The following SLC16A9 variants were observed in gnomAD, a reference collection of about 807,000 sequenced individuals.
The protein encoded by SLC16A9 is solute carrier family 16 member 9.
Under a neutral mutation model 44.3 loss-of-function variants are expected in SLC16A9, and 26 were observed. The ratio of observed to expected loss-of-function variants is 0.59; its 90% confidence interval spans 0.43 to 0.81. The LOEUF is 0.81. Among genes scored for constraint, SLC16A9 ranks in the 40% least tolerant of loss-of-function variants. The pLI is 0.00. For missense variants in SLC16A9, 559 were observed against 595.8 expected (o/e 0.94, Z 0.64); for synonymous variants, 230 against 225.1 (o/e 1.02, Z -0.19).
chr10:59,681,669 T>TG (rs372812141), intron 2 of SLC16A9, among the ~76,000 whole-genome samples: 117 of 2,192 alleles, frequency 0.053, 42 homozygotes, highest in East Asian at 0.5. Flanking sequence ...ATATGATGTA[T>TG]ATGTATATGT....
intron 3 of SLC16A9, among the ~76,000 whole-genome samples, chr10:59,671,644 T>C (rs903573629): frequency 5.9e-5 from 9 of 152,192 alleles, no homozygotes; most frequent in Admixed American, 5.9e-4. Context: ...TATCATTCCC[T>C]ACAACGCCAT....
intron 1 of SLC16A9, among the ~76,000 whole-genome samples, chr10:59,687,868 G>C (rs1840166890): frequency 6.6e-6 from 1 of 151,820 alleles, no homozygotes; most frequent in South Asian, 2.1e-4. Context: ...GCTGAGGTGG[G>C]AGGATGGCTT....
chr10:59,656,879 G>A (rs1422448689), intron 4 of SLC16A9, among the ~76,000 whole-genome samples: 2 of 152,142 alleles, frequency 1.3e-5, no homozygotes, highest in African/African-American at 2.4e-5. Context: ...CACTAATTAT[G>A]CTTCCATGCA....
chr10:59,703,731 T>C (rs1840577477), intron 1 of SLC16A9, among the ~76,000 whole-genome samples: 1 of 152,078 alleles, frequency 6.6e-6, no homozygotes, highest in African/African-American at 2.4e-5. Flanking sequence ...TTTTCGTTTT[T>C]TTTTTGAGAC....
Position 59,672,828 on chromosome 10 carries a change from C to T in SLC16A9, c.282G>A (p.Met94Ile), listed in dbSNP as rs778609342. Residue 94 changes from methionine to isoleucine, a missense_variant, in exon 3 of 6, where the codon ATG becomes ATA. Met to Ile is a conservative substitution (Grantham distance 10). Transcript: ENST00000395348. ...FSGFMVAGGL[M>I]LSSFAPNIYF... ...AGATATTGGGAGCAAAACTGCTCAACATCAGGCCTCCAGCCACCATGAAGC... is the reference window on the plus strand; with the variant it reads ...AGATATTGGGAGCAAAACTGCTCAATATCAGGCCTCCAGCCACCATGAAGC... The T allele has an allele frequency of 1.6e-5, 26 of 1,613,762 alleles. No homozygotes were observed. The Admixed American group carries it at 4.0e-4, about 25-fold the overall frequency.
Position 59,656,297 on chromosome 10 carries a change from G to T in SLC16A9, c.437-1708C>A, listed in dbSNP as rs553299809. ...TAGTACCCATTAACTATAAATTTGT[G>T]ATTTTTGCCTATTTCTTTGTACAGA... On this transcript the variant is annotated intron_variant, in intron 4 of 5. Coordinates refer to ENST00000395348, the MANE Select transcript of SLC16A9 (RefSeq NM_194298.3). 6.6e-5 allele frequency among the ~76,000 whole-genome samples: 10 copies of T among 152,298 alleles called. No individual in the cohort carries two copies. In the South Asian group the frequency reaches 2.1e-3, roughly 32 times the overall value.
intron 3 of SLC16A9, among the ~76,000 whole-genome samples, chr10:59,667,361 G>A (rs1387626116): frequency 2.0e-5 from 3 of 152,104 alleles, no homozygotes; most frequent in Non-Finnish European, 4.4e-5. Flanking sequence ...TATTGAGTAC[G>A]GAAGTAGATA....
chr10:59,680,330 C>G (rs1839959742), intron 2 of SLC16A9, among the ~76,000 whole-genome samples: 1 of 152,210 alleles, frequency 6.6e-6, no homozygotes, highest in South Asian at 2.1e-4. Context: ...TTATGAGCTA[C>G]TGTCCAAATC....
At chr10:59,694,015 A>G (rs1375328465) in intron 1 of SLC16A9, among the ~76,000 whole-genome samples, 30 of 142,012 alleles carry the variant, frequency 2.1e-4, no homozygotes, top group East Asian at 1.3e-3. Context: ...TCGGCTCACC[A>G]CAAGCTCCGC....
At chr10:59,698,930 G>C (rs2132539124) in intron 1 of SLC16A9, among the ~76,000 whole-genome samples, 1 of 152,178 alleles carries the variant, frequency 6.6e-6, no homozygotes, top group South Asian at 2.1e-4. Flanking sequence ...TTTTAGTAGA[G>C]ATGGGGTTTC....
intron 4 of SLC16A9, among the ~76,000 whole-genome samples, chr10:59,663,564 C>T (rs1387067925): frequency 6.8e-6 from 1 of 146,680 alleles, no homozygotes; most frequent in African/African-American, 2.5e-5. Flanking sequence ...ACAATGAGAA[C>T]ATATAGGCAC....
intron 1 of SLC16A9, among the ~76,000 whole-genome samples, chr10:59,705,178 A>C (rs1415283239): frequency 6.6e-6 from 1 of 152,174 alleles, no homozygotes; most frequent in Non-Finnish European, 1.5e-5. Flanking sequence ...TGAGTAGTTT[A>C]AAAGTGTATT....
chr10:59,654,584 T>C lies in SLC16A9; in HGVS notation c.442A>G (p.Ser148Gly), dbSNP rs1839307009. 1 of 1,569,444 alleles carries C rather than the reference T, an allele frequency of 6.4e-7. No homozygotes were observed. The highest frequency in any genetic ancestry group is 8.6e-7 in the Non-Finnish European group (1 of 1,164,572). ...GCAGCATATATGAAAAGGCCAACGC[T>C]TGAACCTAAAAAGGGAATGGGAACT... Reference protein sequence around the residue: ...LALGLISTGSSVGLFIYAALQ... With the variant: ...LALGLISTGSGVGLFIYAALQ... Residue 148 changes from serine (S) to glycine (G), a missense_variant, in exon 5 of 6, where the codon AGC becomes GGC. By Grantham distance (56) the Ser-to-Gly change is moderately conservative. Coordinates refer to ENST00000395348, the MANE Select transcript of SLC16A9 (RefSeq NM_194298.3).
chr10:59,677,689 C>G (rs1343702556), intron 2 of SLC16A9, among the ~76,000 whole-genome samples: 1 of 152,116 alleles, frequency 6.6e-6, no homozygotes, highest in African/African-American at 2.4e-5. Context: ...AAGCCTTGAA[C>G]TAGGCTGCGA....
intron 1 of SLC16A9, among the ~76,000 whole-genome samples, chr10:59,699,940 A>C (rs1840486855): frequency 6.6e-6 from 1 of 151,674 alleles, no homozygotes; most frequent in African/African-American, 2.4e-5. Flanking sequence ...ACACACATAC[A>C]CACATTAGTA....
At chr10:59,671,651 C>T (rs1839752974) in intron 3 of SLC16A9, among the ~76,000 whole-genome samples, 1 of 152,192 alleles carries the variant, frequency 6.6e-6, no homozygotes, top group African/African-American at 2.4e-5. Context: ...CCCTACAACG[C>T]CATCATAGTG....
intron 3 of SLC16A9, among the ~76,000 whole-genome samples, chr10:59,665,096 G>A (rs376853686): frequency 6.6e-6 from 1 of 152,048 alleles, no homozygotes; most frequent in African/African-American, 2.4e-5. Context: ...AATCCTAAGG[G>A]TAATATTTAT....
chr10:59,654,199 G>T lies in SLC16A9; in HGVS notation c.827C>A (p.Thr276Lys), dbSNP rs1350479561. 5.0e-6 allele frequency: 8 copies of T among 1,614,066 alleles called. No homozygotes were observed. Among genetic ancestry groups the T allele is most frequent in the Admixed American group, 3.3e-5 (2 of 60,006 alleles). ...ETYKKKVAEQTYFCKQLAKRK... is the reference protein window; with the variant it reads ...ETYKKKVAEQKYFCKQLAKRK... ...CTTGGCAAGCTGTTTGCAAAAATAT[G>T]TCTGTTCTGCAACTTTCTTTTTGTA... is the stretch of plus-strand genomic sequence containing the variant. Residue 276 changes from threonine (T) to lysine (K), a missense_variant, in exon 5 of 6, where the codon ACA becomes AAA. Transcript: ENST00000395348.
chr10:59,667,571 T>G (rs1839649441), intron 3 of SLC16A9, among the ~76,000 whole-genome samples: 1 of 152,234 alleles, frequency 6.6e-6, no homozygotes, highest in Non-Finnish European at 1.5e-5. Flanking sequence ...AAGTGTCTTA[T>G]CTCTTAATAC....
Sources: gnomAD v4.1 joint callset for allele counts (sites outside exome capture counted in the v4.1 genomes callset) on GRCh38, gnomAD v4.1.1 for gene constraint, MANE v1.5 for transcripts, NCBI Gene and HGNC (gene_info 2026-07-23, HGNC 2026-07-21) for gene names.